Variants in MACROD2 observed in about 807,000 individuals in gnomAD.
The protein encoded by MACROD2 is mono-ADP ribosylhydrolase 2, also known as ADP-ribose glycohydrolase MACROD2.
Under a neutral mutation model 70.4 loss-of-function variants are expected in MACROD2, and 36 were observed. That is an observed-to-expected ratio of 0.51 (90% CI 0.39 to 0.68). The LOEUF (loss-of-function observed/expected upper bound fraction) is 0.68, where lower values mean the gene tolerates loss of function less well. MACROD2 is among the 30% of genes least tolerant of loss of function. MACROD2 has a pLI of 0.00. For missense variants in MACROD2, 496 were observed against 538.4 expected, an observed-to-expected ratio of 0.92 and a Z score of 0.78; for synonymous variants, 172 against 178.8, an observed-to-expected ratio of 0.96 and a Z score of 0.30.
At chr20:15,804,282 C>G (rs877270) in intron 8 of MACROD2, among the ~76,000 whole-genome samples, 30,886 of 152,096 alleles carry the variant, frequency 0.2, 3,189 homozygotes, top group Non-Finnish European at 0.21. Context: ...GGCTTGGTCA[C>G]CAAAGCAATA....
chr20:14,789,460 A>ATTTTTTTTTTTTTTTTT lies in MACROD2; in HGVS notation c.418+104517_418+104533dup, dbSNP rs3045609. 5.2e-4 allele frequency among the ~76,000 whole-genome samples: 25 copies of ATTTTTTTTTTTTTTTTT among 48,360 alleles called. 3 individuals carry two copies. The highest frequency in any genetic ancestry group is 1.3e-3 in the African/African-American group (15 of 11,672). 31.7% of individuals were successfully genotyped at this position (48,360 alleles called of 152,430 possible). Reference sequence around the variant, plus strand: ...CTTGTGGATTAATCAGGTAGTGCAAATTTTTTTTTTTTTTTTTTTTTTTTT... The same window carrying ATTTTTTTTTTTTTTTTT: ...CTTGTGGATTAATCAGGTAGTGCAAATTTTTTTTTTTTTTTTTTTTTTTTTTTTTTTTTTTTTTTTTT... On this transcript the variant is annotated intron_variant, in intron 5 of 17. Coordinates refer to ENST00000684519, the MANE Select transcript of MACROD2 (RefSeq NM_001351661.2).
At chr20:14,464,269 G>A (rs1416150129) in intron 3 of MACROD2, among the ~76,000 whole-genome samples, 1 of 152,086 alleles carries the variant, frequency 6.6e-6, no homozygotes, top group Non-Finnish European at 1.5e-5. Context: ...TTGGGAGGGT[G>A]TATGTGTCGA....
intron 8 of MACROD2, among the ~76,000 whole-genome samples, chr20:15,857,517 G>C (rs2064370856): frequency 6.6e-6 from 1 of 152,206 alleles, no homozygotes; most frequent in Admixed American, 6.5e-5. Flanking sequence ...GAACCATCAA[G>C]AACTGGAGAA....
At chr20:14,530,277 G>C (rs1470545996) in intron 4 of MACROD2, among the ~76,000 whole-genome samples, 1 of 152,176 alleles carries the variant, frequency 6.6e-6, no homozygotes, top group East Asian at 1.9e-4. Flanking sequence ...AAAAGTCCCA[G>C]GGAACTGATA....
intron 15 of MACROD2, among the ~76,000 whole-genome samples, chr20:15,988,345 C>T (rs708979): frequency 0.9 from 136,600 of 152,178 alleles, 62,712 homozygotes; most frequent in East Asian, 1. Context: ...TATTGCTCTC[C>T]TCAATTGTAG....
Position 14,861,501 on chromosome 20 carries a change from C to T in MACROD2, c.418+176542C>T, listed in dbSNP as rs540832101. Among the ~76,000 whole-genome samples, 15 of 152,148 alleles carry T rather than the reference C, an allele frequency of 9.9e-5. No individual in the cohort carries two copies. In the East Asian group the frequency reaches 2.1e-3, roughly 22 times the overall value. On this transcript the variant is annotated intron_variant, in intron 5 of 17. Transcript: ENST00000684519. ...GAAAGAAATACCCTGACCTTCCTCT[C>T]CTACTCTCTGATATCCTGCTGATGC...
intron 5 of MACROD2, among the ~76,000 whole-genome samples, chr20:14,847,664 G>C (rs1012084781): frequency 6.6e-6 from 1 of 151,864 alleles, no homozygotes; most frequent in Non-Finnish European, 1.5e-5. Flanking sequence ...TTGTTCATTA[G>C]TTTTATCAAT....
intron 5 of MACROD2, among the ~76,000 whole-genome samples, chr20:14,788,950 A>T (rs1600665473): frequency 6.6e-6 from 1 of 151,336 alleles, no homozygotes; most frequent in Non-Finnish European, 1.5e-5. Context: ...TGTATTTTTA[A>T]TAGAGACGGG....
intron 8 of MACROD2, among the ~76,000 whole-genome samples, chr20:15,769,329 TAC>T (rs1320952872): frequency 3.3e-5 from 5 of 152,294 alleles, no homozygotes; most frequent in African/African-American, 1.2e-4. Flanking sequence ...GTATTTTTAG[TAC>T]AGACAGGGTT....
At chr20:14,130,611 A>AT (rs2054705025) in intron 3 of MACROD2, among the ~76,000 whole-genome samples, 1 of 152,180 alleles carries the variant, frequency 6.6e-6, no homozygotes, top group South Asian at 2.1e-4. Flanking sequence ...ATAGCAGCAT[A>AT]TTCCCACTAT....
chr20:15,311,578 A>G (rs1179077821), intron 6 of MACROD2, among the ~76,000 whole-genome samples: 2 of 152,242 alleles, frequency 1.3e-5, no homozygotes, highest in Non-Finnish European at 2.9e-5. Context: ...CGTGGTACGT[A>G]TATACCATAG....
chr20:14,766,496 G>T (rs946923330), intron 5 of MACROD2, among the ~76,000 whole-genome samples: 2 of 152,156 alleles, frequency 1.3e-5, no homozygotes, highest in African/African-American at 4.8e-5. Flanking sequence ...TTAGAGATTG[G>T]TGGAAGTCCT....
intron 15 of MACROD2, among the ~76,000 whole-genome samples, chr20:16,013,028 A>C (rs1301921952): frequency 2.0e-5 from 3 of 152,136 alleles, no homozygotes; most frequent in Admixed American, 1.3e-4. Context: ...AAAAATACAA[A>C]ACTTAGCTGG....
intron 7 of MACROD2, among the ~76,000 whole-genome samples, chr20:15,484,960 T>C (rs1366652482): frequency 2.6e-5 from 4 of 152,216 alleles, no homozygotes; most frequent in African/African-American, 7.2e-5. Context: ...CAGTTTGCTC[T>C]GTGACCTCAC....
intron 5 of MACROD2, among the ~76,000 whole-genome samples, chr20:15,005,835 T>G (rs2075031379): frequency 6.6e-6 from 1 of 152,198 alleles, no homozygotes; most frequent in African/African-American, 2.4e-5. Context: ...AGTTTGAGCT[T>G]CAGTCTTTTA....
At chr20:14,918,607 TG>T (rs2074122055) in intron 5 of MACROD2, among the ~76,000 whole-genome samples, 1 of 143,424 alleles carries the variant, frequency 7.0e-6, no homozygotes, top group Admixed American at 6.9e-5. Flanking sequence ...TGTGACACTG[TG>T]TTTTTTTTGT....
In MACROD2 at chr20:15,005,243, C is replaced by A. The variant is rs140015820; in HGVS notation, c.419-224697C>A. ...ACAGAATAGAAGAGACTGGAATTTC[C>A]TATCACTGTGGTTGGCTTTAAAGAA... is the stretch of plus-strand genomic sequence containing the variant. On this transcript the variant is annotated intron_variant, in intron 5 of 17. Coordinates refer to ENST00000684519, the MANE Select transcript of MACROD2 (RefSeq NM_001351661.2). Among the ~76,000 whole-genome samples the A allele has an allele frequency of 2.6e-3, 398 of 152,256 alleles. 2 individuals carry two copies. Among genetic ancestry groups the A allele is most frequent in the African/African-American group, 9.1e-3 (378 of 41,564 alleles).
intron 6 of MACROD2, among the ~76,000 whole-genome samples, chr20:15,233,979 T>TATATA (rs1568657341): frequency 2.2e-4 from 11 of 48,986 alleles, no homozygotes; most frequent in African/African-American, 9.9e-4. Context: ...TTATATATAT[T>TATATA]TATTTATATA....
chr20:15,574,996 G>A (rs1362510), intron 8 of MACROD2, among the ~76,000 whole-genome samples: 21,300 of 151,842 alleles, frequency 0.14, 2,986 homozygotes, highest in African/African-American at 0.37. Context: ...TTATATGTAC[G>A]TACCTATATC....
Sources: gnomAD v4.1 joint callset for allele counts (sites outside exome capture counted in the v4.1 genomes callset) on GRCh38, gnomAD v4.1.1 for gene constraint, MANE v1.5 for transcripts, NCBI Gene and HGNC (gene_info 2026-07-23, HGNC 2026-07-21) for gene names.